Variants in DLG2 observed in about 807,000 individuals in gnomAD.
DLG2 encodes the protein disks large homolog 2.
DLG2 carries 45 observed loss-of-function variants against 132.5 expected under a neutral mutation model. That is an observed-to-expected ratio of 0.34 (90% CI 0.27 to 0.44). DLG2 has a LOEUF of 0.44. DLG2 is among the 20% of genes least tolerant of loss of function. The pLI, the probability that DLG2 is intolerant of heterozygous loss-of-function variation, is 1.00. For synonymous variants in DLG2, 424 were observed against 419.6 expected (o/e 1.01, Z -0.13); for missense variants, 1,045 against 1,196.9 (o/e 0.87, Z 1.87).
chr11:84,963,534 C>T (rs1306063025), intron 6 of DLG2, among the ~76,000 whole-genome samples: 3 of 152,114 alleles, frequency 2.0e-5, no homozygotes, highest in Admixed American at 6.6e-5. Context: ...TTATAATCCT[C>T]TTTTCATTTA....
intron 6 of DLG2, among the ~76,000 whole-genome samples, chr11:84,719,353 TTC>T (rs147012671): frequency 6.6e-6 from 1 of 151,984 alleles, no homozygotes; most frequent in Admixed American, 6.6e-5. Context: ...CTCTCTCTCT[TTC>T]TCTCTCTCTC....
intron 6 of DLG2, among the ~76,000 whole-genome samples, chr11:84,969,496 C>T (rs2053775880): frequency 6.6e-6 from 1 of 152,152 alleles, no homozygotes; most frequent in Non-Finnish European, 1.5e-5. Context: ...TGGAAAATCT[C>T]CATCAATGAT....
intron 18 of DLG2, among the ~76,000 whole-genome samples, chr11:83,704,841 GA>G (rs1356719981): frequency 6.6e-6 from 1 of 151,678 alleles, no homozygotes; most frequent in Admixed American, 6.6e-5. Flanking sequence ...ATAAAATAAA[GA>G]TATAATTCAG....
Position 84,851,419 on chromosome 11 carries a change from G to A in DLG2, c.357+260242C>T, listed in dbSNP as rs548425353. 2.6e-5 allele frequency among the ~76,000 whole-genome samples: 4 copies of A among 152,164 alleles called. No individual in the cohort carries two copies. In the East Asian group the frequency reaches 7.7e-4, roughly 29 times the overall value. The stretch of plus-strand genomic sequence containing the variant: ...GGTCCCTTGACATATGGTTCTCTCA[G>A]TTCCTATTAACTCACTGGAATTGAA... On this transcript the variant is annotated intron_variant, in intron 6 of 27. Coordinates refer to ENST00000376104, the MANE Select transcript of DLG2 (RefSeq NM_001142699.3).
At chr11:83,882,516 A>G (rs1284854607) in intron 15 of DLG2, among the ~76,000 whole-genome samples, 1 of 152,228 alleles carries the variant, frequency 6.6e-6, no homozygotes, top group Non-Finnish European at 1.5e-5. Context: ...CTTTTACTTT[A>G]TATTAAATGG....
Position 83,475,925 on chromosome 11 carries a change from C to T in DLG2, c.2294-3148G>A, listed in dbSNP as rs189077430. Among the ~76,000 whole-genome samples, 43 of 152,174 alleles carry T rather than the reference C, an allele frequency of 2.8e-4. 1 individual carries two copies. The highest frequency in any genetic ancestry group is 8.7e-4 in the African/African-American group (36 of 41,548). On this transcript the variant is annotated intron_variant, in intron 22 of 27. Coordinates refer to ENST00000376104, the MANE Select transcript of DLG2 (RefSeq NM_001142699.3). Reference sequence around the variant, plus strand: ...TATGGCTGAAAGTGGGAGAGCAGCACAGAGCTGTGTGTGGATGTCAGCAGC... The same window carrying T: ...TATGGCTGAAAGTGGGAGAGCAGCATAGAGCTGTGTGTGGATGTCAGCAGC...
chr11:84,298,734 G>A (rs1206579412), intron 7 of DLG2, among the ~76,000 whole-genome samples: 1 of 152,186 alleles, frequency 6.6e-6, no homozygotes, highest in Non-Finnish European at 1.5e-5. Flanking sequence ...CTTGAATGAT[G>A]AGAAAGATTT....
intron 8 of DLG2, among the ~76,000 whole-genome samples, chr11:84,188,559 A>G (rs1384314271): frequency 6.6e-6 from 1 of 152,116 alleles, no homozygotes; most frequent in African/African-American, 2.4e-5. Flanking sequence ...ATCTTTGGGA[A>G]CTTCAGTGAA....
At chr11:84,358,415 A>G (rs1043082460) in intron 7 of DLG2, among the ~76,000 whole-genome samples, 5 of 134,812 alleles carry the variant, frequency 3.7e-5, no homozygotes, top group Admixed American at 7.7e-5. Context: ...ACCTACTTTC[A>G]TTGGTATATG....
intron 3 of DLG2, among the ~76,000 whole-genome samples, chr11:85,417,110 A>G (rs772993039): frequency 6.6e-6 from 1 of 152,156 alleles, no homozygotes; most frequent in South Asian, 2.1e-4. Flanking sequence ...ATTTTGAGAT[A>G]TGTTCCATCA....
chr11:84,238,807 C>G (rs2097191470), intron 8 of DLG2, among the ~76,000 whole-genome samples: 1 of 152,276 alleles, frequency 6.6e-6, no homozygotes, highest in South Asian at 2.1e-4. Flanking sequence ...TTTCACTCAA[C>G]TAGCCACTGT....
chr11:84,461,711 A>G (rs2154485703), intron 7 of DLG2, among the ~76,000 whole-genome samples: 1 of 151,094 alleles, frequency 6.6e-6, no homozygotes, highest in South Asian at 2.1e-4. Context: ...TTAAAAGTTA[A>G]CTGGCAGGGC....
chr11:84,949,871 G>C (rs1489316451), intron 6 of DLG2, among the ~76,000 whole-genome samples: 1 of 152,162 alleles, frequency 6.6e-6, no homozygotes, highest in African/African-American at 2.4e-5. Context: ...TTAAAGACAG[G>C]CATAGGAAAT....
chr11:85,545,651 T>C (rs1046481000), intron 3 of DLG2, among the ~76,000 whole-genome samples: 1 of 152,220 alleles, frequency 6.6e-6, no homozygotes, highest in Non-Finnish European at 1.5e-5. Flanking sequence ...TATTAATTGC[T>C]GCCTCAACTT....
intron 7 of DLG2, among the ~76,000 whole-genome samples, chr11:84,426,656 G>C (rs886356199): frequency 2.6e-5 from 4 of 152,022 alleles, no homozygotes; most frequent in African/African-American, 9.7e-5. Flanking sequence ...TTCTAGTTTT[G>C]AACTTCAATG....
At chr11:84,354,773 G>C (rs2098601038) in intron 7 of DLG2, among the ~76,000 whole-genome samples, 1 of 152,094 alleles carries the variant, frequency 6.6e-6, no homozygotes, top group African/African-American at 2.4e-5. Flanking sequence ...ACATCAATTT[G>C]AGTCAAATGC....
Position 83,833,752 on chromosome 11 carries a change from G to C in DLG2, c.1584C>G (p.Val528=), listed in dbSNP as rs2055256439. ...CCAGGCCAGTGGAGCCTTTGTGCAG[G>C]ACTACCTTGCGAGGCTCTCTGCAGA... is the stretch of plus-strand genomic sequence containing the variant. ...VSLEGEPRKV[V]LHKGSTGLGF... is the part of the protein sequence containing the mutation. The change falls in exon 17 of 28, where the codon GTC becomes GTG. Residue 528 remains valine, a synonymous_variant. Transcript: ENST00000376104. 1 of 1,613,770 alleles carries C rather than the reference G, an allele frequency of 6.2e-7. No individual in the cohort carries two copies. Among genetic ancestry groups the C allele is most frequent in the African/African-American group, 1.3e-5 (1 of 74,910 alleles).
At chr11:85,405,135 T>C (rs1227810811) in intron 3 of DLG2, among the ~76,000 whole-genome samples, 3 of 151,956 alleles carry the variant, frequency 2.0e-5, no homozygotes, top group Admixed American at 6.6e-5. Context: ...TAGTGTGGTT[T>C]GACACTGCTA....
At chr11:83,473,560 C>T (rs1259171119) in intron 22 of DLG2, among the ~76,000 whole-genome samples, 1 of 152,078 alleles carries the variant, frequency 6.6e-6, no homozygotes, top group Non-Finnish European at 1.5e-5. Context: ...ATTAATTGGT[C>T]AGAGGATTAG....
Sources: allele counts gnomAD v4.1 joint callset (sites outside exome capture counted in the v4.1 genomes callset), GRCh38; gene constraint gnomAD v4.1.1; transcripts MANE v1.5; gene names NCBI Gene and HGNC (gene_info 2026-07-23, HGNC 2026-07-21).